PAX5: variants seen among roughly 807,000 people sequenced by gnomAD.
PAX5 encodes paired box protein Pax-5.
PAX5 carries 9 observed loss-of-function variants against 43.7 expected under a neutral mutation model. The ratio of observed to expected loss-of-function variants is 0.21; its 90% confidence interval spans 0.12 to 0.36. The LOEUF (loss-of-function observed/expected upper bound fraction) is 0.36. PAX5 is among the 10% of genes least tolerant of loss of function. PAX5 has a pLI of 1.00. For synonymous variants in PAX5, 228 were observed against 214.3 expected (o/e 1.06, Z -0.56); for missense variants, 383 against 532.7 (o/e 0.72, Z 2.77).
At chr9:36,921,510 C>G (rs1830168402) in intron 7 of PAX5, among the ~76,000 whole-genome samples, 1 of 152,196 alleles carries the variant, frequency 6.6e-6, no homozygotes, top group African/African-American at 2.4e-5. Flanking sequence ...CCACTGCTCA[C>G]CAGCTGTGAT....
chr9:37,033,726 G>A (rs773546640), intron 1 of PAX5, among the ~76,000 whole-genome samples: 15 of 151,870 alleles, frequency 9.9e-5, no homozygotes, highest in Non-Finnish European at 1.3e-4. Context: ...AAACACACAG[G>A]CCCTAACTTG....
intron 8 of PAX5, among the ~76,000 whole-genome samples, chr9:36,871,953 T>C (rs1825532955): frequency 6.6e-6 from 1 of 152,226 alleles, no homozygotes; most frequent in African/African-American, 2.4e-5. Flanking sequence ...TCCCAGCACC[T>C]GTGAGCCTAG....
chr9:36,970,591 T>C (rs946989427), intron 5 of PAX5, among the ~76,000 whole-genome samples: 8 of 152,182 alleles, frequency 5.3e-5, no homozygotes, highest in Non-Finnish European at 1.5e-5. Flanking sequence ...CCTCCTCTTT[T>C]GGTAGAAACT....
rs537367554 is a variant in PAX5, at chr9:36,927,046, A to G, written c.781-3562T>C. On this transcript the variant is annotated intron_variant, in intron 6 of 9. Coordinates refer to ENST00000358127, the MANE Select transcript of PAX5 (RefSeq NM_016734.3). ...AGAGGTAATAGGACAAGAGTGACCC[A>G]GAAACAGGGCACATGCAATAGTTAG... is the stretch of plus-strand genomic sequence containing the variant. Among the ~76,000 whole-genome samples, 6 of 152,320 alleles carry G rather than the reference A, an allele frequency of 3.9e-5. No homozygotes were observed. In the East Asian group the frequency reaches 1.2e-3, roughly 29 times the overall value.
At chr9:36,949,611 G>A (rs3780161) in intron 6 of PAX5, among the ~76,000 whole-genome samples, 41,733 of 152,022 alleles carry the variant, frequency 0.27, 6,304 homozygotes, top group Non-Finnish European at 0.34. Flanking sequence ...CAAAACTAAC[G>A]TAACAGGTTG....
At chr9:36,869,847 A>G (rs1462670476) in intron 8 of PAX5, among the ~76,000 whole-genome samples, 33 of 117,918 alleles carry the variant, frequency 2.8e-4, no homozygotes, top group Non-Finnish European at 3.7e-4. Context: ...TGGATGGATA[A>G]ATGGATGGAT....
intron 1 of PAX5, among the ~76,000 whole-genome samples, chr9:37,021,755 G>A (rs1211388245): frequency 6.6e-6 from 1 of 152,170 alleles, no homozygotes; most frequent in Non-Finnish European, 1.5e-5. Context: ...TAAACACAGA[G>A]TGATCCGATG....
chr9:36,979,308 G>C (rs1238213420), intron 5 of PAX5, among the ~76,000 whole-genome samples: 1 of 152,182 alleles, frequency 6.6e-6, no homozygotes, highest in Non-Finnish European at 1.5e-5. Context: ...GGATTTATGA[G>C]GGTGTGGAAC....
intron 7 of PAX5, among the ~76,000 whole-genome samples, chr9:36,888,473 T>C (rs1486095937): frequency 1.3e-5 from 2 of 152,176 alleles, no homozygotes; most frequent in African/African-American, 4.8e-5. Context: ...AGTAGCAACA[T>C]TCATAATGAA....
At chr9:36,869,206 A>G (rs1423764108) in intron 8 of PAX5, among the ~76,000 whole-genome samples, 1 of 152,168 alleles carries the variant, frequency 6.6e-6, no homozygotes, top group Non-Finnish European at 1.5e-5. Flanking sequence ...CAGCAAGCCG[A>G]AGGGAGTCAA....
rs369616156 is a variant in PAX5, at chr9:36,877,495, C to T, written c.1012+4509G>A. Among the ~76,000 whole-genome samples the T allele has an allele frequency of 1.5e-4, 23 of 152,304 alleles. 1 individual carries two copies. In the South Asian group the frequency reaches 4.6e-3, roughly 30 times the overall value. On this transcript the variant is annotated intron_variant, in intron 8 of 9. Transcript: ENST00000358127. ...CCAGGAGGGAGTGAAACAGATCTCACAGTGAAACAGATCATTGCAGCATAG... is the reference window on the plus strand; with the variant it reads ...CCAGGAGGGAGTGAAACAGATCTCATAGTGAAACAGATCATTGCAGCATAG...
intron 8 of PAX5, among the ~76,000 whole-genome samples, chr9:36,878,252 T>C (rs1216212047): frequency 1.3e-5 from 2 of 152,216 alleles, no homozygotes; most frequent in Non-Finnish European, 2.9e-5. Flanking sequence ...GTCCATATAA[T>C]TTCCCTCTCC....
chr9:36,943,061 G>A (rs1424726562), intron 6 of PAX5, among the ~76,000 whole-genome samples: 1 of 152,168 alleles, frequency 6.6e-6, no homozygotes, highest in Admixed American at 6.5e-5. Context: ...CCCTCCTCCA[G>A]TGCAGGCCCA....
At chr9:36,842,447 C>T in intron 9 of PAX5, among the ~76,000 whole-genome samples, 1 of 152,172 alleles carries the variant, frequency 6.6e-6, no homozygotes, top group East Asian at 1.9e-4. Context: ...AAGCCCTCAA[C>T]CCCAGCCACC....
chr9:36,902,797 G>T (rs1165797623), intron 7 of PAX5, among the ~76,000 whole-genome samples: 1 of 152,240 alleles, frequency 6.6e-6, no homozygotes, highest in African/African-American at 2.4e-5. Context: ...ACGGCTATTT[G>T]TGCCAACCAT....
At chr9:37,020,518 T>C in intron 2 of PAX5, 118 bp downstream of exon 2, 2 of 1,077,114 alleles carry the variant, frequency 1.9e-6, no homozygotes, top group Non-Finnish European at 2.7e-6. Flanking sequence ...GTGCTCTGCG[T>C]GTGAAACAAA....
chr9:37,009,455 T>G (rs959864931), intron 3 of PAX5, among the ~76,000 whole-genome samples: 1 of 152,220 alleles, frequency 6.6e-6, no homozygotes, highest in African/African-American at 2.4e-5. Context: ...TAAGATGTTA[T>G]TTTCAGTGGT....
chr9:36,922,851 A>G (rs901478452), intron 7 of PAX5: 3 of 155,582 alleles, frequency 1.9e-5, no homozygotes, highest in African/African-American at 4.8e-5. Flanking sequence ...CTCTACACAG[A>G]CAGCTAAAGA....
At chr9:36,963,579 G>A (rs545133944) in intron 6 of PAX5, among the ~76,000 whole-genome samples, 4 of 152,342 alleles carry the variant, frequency 2.6e-5, no homozygotes, top group East Asian at 3.9e-4. Flanking sequence ...CCCAGCCCAC[G>A]TTCAGGGAAG....
Sources: allele counts gnomAD v4.1 joint callset (sites outside exome capture counted in the v4.1 genomes callset), GRCh38; gene constraint gnomAD v4.1.1; transcripts MANE v1.5; gene names NCBI Gene and HGNC (gene_info 2026-07-23, HGNC 2026-07-21).